NALCN: variants seen among roughly 807,000 people sequenced by gnomAD.
NALCN encodes the protein sodium leak channel NALCN.
Under a neutral mutation model 225.3 loss-of-function variants are expected in NALCN, and 111 were observed. The observed-to-expected ratio is 0.49, with a 90% CI of 0.42 to 0.58. NALCN has a LOEUF of 0.58. Among genes scored for constraint, NALCN ranks in the 20% least tolerant of loss-of-function variants. The probability of loss-of-function intolerance (pLI) is 0.00; values close to 1 mark genes in which losing one functional copy is unlikely to be tolerated. For missense variants in NALCN, 1,378 were observed against 2,202.4 expected, an observed-to-expected ratio of 0.63 and a Z score of 7.49; for synonymous variants, 764 against 769.0, an observed-to-expected ratio of 0.99 and a Z score of 0.11.
intron 13 of NALCN, among the ~76,000 whole-genome samples, chr13:101,213,018 G>T (rs942163700): frequency 6.6e-6 from 1 of 152,108 alleles, no homozygotes; most frequent in African/African-American, 2.4e-5. Flanking sequence ...AACAAAGCTG[G>T]AGGCATCACG....
intron 13 of NALCN, among the ~76,000 whole-genome samples, chr13:101,205,836 A>C (rs17678650): frequency 0.21 from 32,394 of 152,006 alleles, 3,597 homozygotes; most frequent in East Asian, 0.37. Flanking sequence ...AATATATACA[A>C]AACAGTGCTT....
At chr13:101,179,649 G>C (rs2039110889) in intron 14 of NALCN, among the ~76,000 whole-genome samples, 1 of 152,148 alleles carries the variant, frequency 6.6e-6, no homozygotes, top group African/African-American at 2.4e-5. Flanking sequence ...GCTGTACAGG[G>C]GGTTTGGGGC....
rs750431354 is a variant in NALCN, at chr13:101,229,386, C to T, written c.1626+7G>A. 9.2e-6 allele frequency: 14 copies of T among 1,527,720 alleles called. No homozygotes were observed. Among genetic ancestry groups the T allele is most frequent in the Non-Finnish European group, 1.2e-5 (14 of 1,138,268 alleles). The allele number at this position is 1,527,720 out of a possible 1,614,324, so 94.6% of individuals were successfully genotyped here. ...AATTTAACTTACTGCATTTTTAAAA[C>T]TCTTACCCTCGGAAACGTAGTAAAT... On this transcript the variant is annotated splice_region_variant and intron_variant, in intron 13 of 43. Transcript: ENST00000251127.
intron 11 of NALCN, among the ~76,000 whole-genome samples, chr13:101,249,611 T>C (rs1555322396): frequency 2.0e-5 from 3 of 152,172 alleles, no homozygotes; most frequent in Non-Finnish European, 4.4e-5. Flanking sequence ...TATCAAAATA[T>C]CTATTATTCT....
chr13:101,351,328 C>T (rs1366292395), intron 6 of NALCN, among the ~76,000 whole-genome samples: 1 of 152,238 alleles, frequency 6.6e-6, no homozygotes, highest in South Asian at 2.1e-4. Flanking sequence ...TCCCTGGGAG[C>T]AGCTAATTGT....
At chr13:101,126,418 C>T (rs192853289) in intron 17 of NALCN, among the ~76,000 whole-genome samples, 3 of 152,014 alleles carry the variant, frequency 2.0e-5, no homozygotes, top group Non-Finnish European at 4.4e-5. Flanking sequence ...TTCTTGGTAG[C>T]ACATACATGC....
intron 20 of NALCN, among the ~76,000 whole-genome samples, chr13:101,109,894 C>T (rs1213311148): frequency 6.6e-6 from 1 of 152,136 alleles, no homozygotes; most frequent in Non-Finnish European, 1.5e-5. Context: ...CTTCATTTTA[C>T]TTTACATTAT....
At chr13:101,398,509 A>G (rs2047378757) in intron 2 of NALCN, among the ~76,000 whole-genome samples, 1 of 152,210 alleles carries the variant, frequency 6.6e-6, no homozygotes, top group Non-Finnish European at 1.5e-5. Flanking sequence ...CTGGCCTAGC[A>G]GTTCTTCTCA....
chr13:101,364,917 T>G (rs764270303), intron 6 of NALCN, among the ~76,000 whole-genome samples: 2 of 152,172 alleles, frequency 1.3e-5, no homozygotes, highest in African/African-American at 4.8e-5. Context: ...GAAGACGTCA[T>G]AGACCGTTGC....
At chr13:101,087,442 A>G (rs966180015) in intron 30 of NALCN, among the ~76,000 whole-genome samples, 1 of 151,710 alleles carries the variant, frequency 6.6e-6, no homozygotes, top group South Asian at 2.1e-4. Context: ...TGAATAATGT[A>G]TAAATGCTGT....
intron 6 of NALCN, among the ~76,000 whole-genome samples, chr13:101,369,167 T>TGC: frequency 2.4e-5 from 1 of 42,272 alleles, no homozygotes; most frequent in South Asian, 8.5e-4. Context: ...ACAAAATAAA[T>TGC]GTGTGTGTGT....
intron 31 of NALCN, among the ~76,000 whole-genome samples, 186 bp from the exon 32 acceptor site, chr13:101,083,384 C>T (rs1410407794): frequency 6.6e-5 from 10 of 152,026 alleles, no homozygotes; most frequent in African/African-American, 2.2e-4. Flanking sequence ...TGCATGATGC[C>T]GTCTATATTG....
intron 7 of NALCN, among the ~76,000 whole-genome samples, chr13:101,332,637 CACTTA>C (rs2045226173): frequency 6.6e-6 from 1 of 152,158 alleles, no homozygotes; most frequent in Non-Finnish European, 1.5e-5. Flanking sequence ...GAAGGTGGCA[CACTTA>C]ACTTATGCTA....
chr13:101,135,651 C>G (rs1189634334), intron 17 of NALCN, among the ~76,000 whole-genome samples: 3 of 152,114 alleles, frequency 2.0e-5, no homozygotes, highest in African/African-American at 7.2e-5. Context: ...GCCTTGGCCT[C>G]CCAAAGTGCT....
intron 6 of NALCN, among the ~76,000 whole-genome samples, chr13:101,356,902 G>A (rs753348578): frequency 5.9e-5 from 9 of 152,170 alleles, no homozygotes; most frequent in Non-Finnish European, 8.8e-5. Context: ...ATCAATAAAC[G>A]TAATTCATCA....
At chr13:101,271,967 G>T (rs1185461931) in intron 10 of NALCN, among the ~76,000 whole-genome samples, 1 of 144,554 alleles carries the variant, frequency 6.9e-6, no homozygotes, top group African/African-American at 2.8e-5. Flanking sequence ...TGTGCGTGTA[G>T]ATATGTGTGT....
intron 18 of NALCN, among the ~76,000 whole-genome samples, chr13:101,123,314 A>G (rs889577761): frequency 6.6e-6 from 1 of 152,120 alleles, no homozygotes; most frequent in Non-Finnish European, 1.5e-5. Flanking sequence ...CCTTGTAGGT[A>G]GTTTCTGGCT....
intron 15 of NALCN, among the ~76,000 whole-genome samples, chr13:101,153,719 A>G (rs894584484): frequency 6.6e-6 from 1 of 152,124 alleles, no homozygotes; most frequent in Non-Finnish European, 1.5e-5. Context: ...TCCAAATTTC[A>G]TCTCGTTGAG....
intron 3 of NALCN, among the ~76,000 whole-genome samples, chr13:101,387,372 T>C (rs1267354699): frequency 6.6e-6 from 1 of 152,136 alleles, no homozygotes. Flanking sequence ...GACTATTCCT[T>C]AGAAATATTT....
Sources: allele counts gnomAD v4.1 joint callset (sites outside exome capture counted in the v4.1 genomes callset), GRCh38; gene constraint gnomAD v4.1.1; transcripts MANE v1.5; gene names NCBI Gene and HGNC (gene_info 2026-07-23, HGNC 2026-07-21).